Variants in MDM4 observed in about 807,000 individuals in gnomAD.
MDM4 encodes the protein protein Mdm4.
Under a neutral mutation model 60.2 loss-of-function variants are expected in MDM4, and 2 were observed. The observed-to-expected ratio is 0.03, with a 90% CI of 0.01 to 0.10. The LOEUF (loss-of-function observed/expected upper bound fraction) is 0.10. MDM4 is among the 10% of genes least tolerant of loss of function. MDM4 has a pLI of 1.00. For synonymous variants in MDM4, 202 were observed against 198.1 expected (o/e 1.02, Z -0.17); for missense variants, 447 against 577.5 (o/e 0.77, Z 2.32).
chr1:204,549,192 A>G lies in MDM4; in HGVS notation c.983A>G (p.Lys328Arg). 1.2e-6 allele frequency: 2 copies of G among 1,613,974 alleles called. No homozygotes were observed. Among genetic ancestry groups the G allele is most frequent in the South Asian group, 1.1e-5 (1 of 91,072 alleles). Residue 328 changes from lysine to arginine, a missense_variant, in exon 11 of 11, where the codon AAG becomes AGG. Physicochemically the swap from Lys to Arg is conservative, Grantham distance 26. Transcript: ENST00000367182. ...RYCFRCWALRKDWYSDCSKLT... is the reference protein window; with the variant it reads ...RYCFRCWALRRDWYSDCSKLT... ...TGTTTTCGTTGTTGGGCCTTGAGGA[A>G]GGATTGGTATTCAGATTGTTCAAAG... is the stretch of plus-strand genomic sequence containing the variant.
intron 7 of MDM4, 24 bp downstream of exon 7, chr1:204,538,332 T>A (rs781364813): frequency 7.9e-7 from 1 of 1,272,102 alleles, no homozygotes; most frequent in Non-Finnish European, 1.1e-6. Context: ...TAAGGCTATA[T>A]AGACTTTTGT....
intron 1 of MDM4, among the ~76,000 whole-genome samples, chr1:204,518,834 T>G (rs944148346): frequency 6.6e-6 from 1 of 152,122 alleles, no homozygotes; most frequent in African/African-American, 2.4e-5. Context: ...CCCAGCTAAT[T>G]TTTGTATTTT....
At chr1:204,528,074 A>ATTTTTTTTTTTTTTTTTTT (rs11440400) in intron 3 of MDM4, among the ~76,000 whole-genome samples, 1 of 140,340 alleles carries the variant, frequency 7.1e-6, no homozygotes, top group Non-Finnish European at 1.5e-5. Context: ...AAAGTCTGGA[A>ATTTTTTTTTTTTTTTTTTT]TTTTTTTTTT....
intron 1 of MDM4, among the ~76,000 whole-genome samples, chr1:204,517,762 G>T (rs1489906803): frequency 4.6e-5 from 7 of 152,136 alleles, no homozygotes; most frequent in Non-Finnish European, 1.0e-4. Context: ...CTGTTGGCAC[G>T]TGGAACTAGT....
chr1:204,532,315 CAA>C, intron 5 of MDM4, 69 bp downstream of exon 5: 2 of 992,152 alleles, frequency 2.0e-6, no homozygotes, highest in South Asian at 2.7e-5. Context: ...GATGGGAAAA[CAA>C]AGAAGATGAA....
chr1:204,519,937 A>G (rs1448885881), intron 1 of MDM4, among the ~76,000 whole-genome samples: 1 of 152,242 alleles, frequency 6.6e-6, no homozygotes, highest in Admixed American at 6.5e-5. Context: ...AAAATCTAGA[A>G]CAAAGAAAGA....
chr1:204,520,423 G>A (rs1259818709), intron 1 of MDM4, among the ~76,000 whole-genome samples: 8 of 149,576 alleles, frequency 5.3e-5, no homozygotes, highest in Non-Finnish European at 1.2e-4. Flanking sequence ...ATACTTTTTA[G>A]GAATCCATTT....
At chr1:204,543,611 A>C (rs961193289) in intron 8 of MDM4, among the ~76,000 whole-genome samples, 2 of 152,186 alleles carry the variant, frequency 1.3e-5, no homozygotes. Flanking sequence ...TAATTTCTTC[A>C]AAGAGGTCAT....
chr1:204,529,256 A>G, intron 3 of MDM4: 1 of 730,374 alleles, frequency 1.4e-6, no homozygotes, highest in Non-Finnish European at 2.5e-6. Flanking sequence ...AACAAGGACC[A>G]GTTGCAGTTG....
chr1:204,536,259 CA>C (rs922653371), intron 5 of MDM4, among the ~76,000 whole-genome samples: 2 of 152,052 alleles, frequency 1.3e-5, no homozygotes, highest in African/African-American at 4.8e-5. Flanking sequence ...CTCAAACAAA[CA>C]AAAAAATTGC....
intron 9 of MDM4, among the ~76,000 whole-genome samples, chr1:204,545,318 G>T (rs1662550205): frequency 6.6e-6 from 1 of 152,148 alleles, no homozygotes; most frequent in South Asian, 2.1e-4. Context: ...GTAGAAAAGA[G>T]GGGAGATTGA....
At chr1:204,543,989 G>C (rs1662391821) in intron 8 of MDM4, among the ~76,000 whole-genome samples, 1 of 152,136 alleles carries the variant, frequency 6.6e-6, no homozygotes, top group South Asian at 2.1e-4. Flanking sequence ...ATAATAAATT[G>C]TCTCTCATGA....
intron 3 of MDM4, chr1:204,528,904 G>T: frequency 6.3e-7 from 1 of 1,594,088 alleles, no homozygotes; most frequent in East Asian, 2.2e-5. Flanking sequence ...ATGTTGCCTT[G>T]TACAGCTGTG....
intron 4 of MDM4, among the ~76,000 whole-genome samples, chr1:204,531,048 A>G (rs968089247): frequency 1.3e-5 from 2 of 152,154 alleles, no homozygotes; most frequent in African/African-American, 4.8e-5. Flanking sequence ...TCAAATAATC[A>G]CACTAATTCA....
chr1:204,520,375 T>C (rs1289420387), intron 1 of MDM4, among the ~76,000 whole-genome samples: 1 of 147,636 alleles, frequency 6.8e-6, no homozygotes, highest in Non-Finnish European at 1.5e-5. Context: ...ATCCCTGCTT[T>C]TTTTTTTTTT....
intron 2 of MDM4, among the ~76,000 whole-genome samples, 153 bp downstream of exon 2, chr1:204,525,749 T>C (rs567493526): frequency 2.0e-5 from 3 of 152,006 alleles, no homozygotes; most frequent in South Asian, 4.1e-4. Context: ...CTTGGCAACA[T>C]AGTGAGACCT....
rs977184847 is a variant in MDM4 at position 204,556,551 on chromosome 1, A to T, written c.*6869A>T. 1 of 206,056 alleles carries T rather than the reference A, an allele frequency of 4.9e-6. No individual in the cohort carries two copies. Among genetic ancestry groups the T allele is most frequent in the East Asian group, 7.3e-5 (1 of 13,634 alleles). 12.8% of individuals were successfully genotyped at this position (206,056 alleles called of 1,614,324 possible). On this transcript the variant is annotated 3_prime_UTR_variant, in exon 11 of 11. Coordinates refer to ENST00000367182, the MANE Select transcript of MDM4 (RefSeq NM_002393.5). The stretch of plus-strand genomic sequence containing the variant: ...GTCTCTACCAAAAATACAAAAAAAA[A>T]GCTGGGCATGGTGGGTGCATGCTTG...
chr1:204,547,056 G>A (rs1482764240), intron 10 of MDM4, among the ~76,000 whole-genome samples, 179 bp downstream of exon 10: 2 of 152,094 alleles, frequency 1.3e-5, no homozygotes, highest in Non-Finnish European at 2.9e-5. Context: ...AACTTAAGAA[G>A]GGAAGGGGAT....
At chr1:204,518,050 A>G (rs1659174679) in intron 1 of MDM4, among the ~76,000 whole-genome samples, 1 of 152,116 alleles carries the variant, frequency 6.6e-6, no homozygotes. Flanking sequence ...CAGCTACCCA[A>G]GAGACTGAGG....
Sources: allele counts gnomAD v4.1 joint callset (sites outside exome capture counted in the v4.1 genomes callset), GRCh38; gene constraint gnomAD v4.1.1; transcripts MANE v1.5; gene names NCBI Gene and HGNC (gene_info 2026-07-23, HGNC 2026-07-21).